Variants in ADGRB3 observed in about 807,000 individuals in gnomAD.
ADGRB3 encodes the protein brain-specific angiogenesis inhibitor 3.
A neutral mutation model predicts 193.4 loss-of-function variants in ADGRB3; 37 were observed. The ratio of observed to expected loss-of-function variants is 0.19; its 90% CI spans 0.15 to 0.25. The LOEUF (loss-of-function observed/expected upper bound fraction) is 0.25, where lower values mean the gene tolerates loss of function less well. Among genes scored for constraint, ADGRB3 ranks in the 10% least tolerant of loss-of-function variants. The pLI, the probability that ADGRB3 is intolerant of heterozygous loss-of-function variation, is 1.00. For synonymous variants in ADGRB3, 690 were observed against 644.2 expected, an observed-to-expected ratio of 1.07 and a Z score of -1.08; for missense variants, 1,637 against 1,852.9, an observed-to-expected ratio of 0.88 and a Z score of 2.14.
At chr6:68,755,350 C>T (rs887330922) in intron 3 of ADGRB3, among the ~76,000 whole-genome samples, 1 of 152,026 alleles carries the variant, frequency 6.6e-6, no homozygotes, top group Non-Finnish European at 1.5e-5. Flanking sequence ...GTCCAGTGTC[C>T]GGACAGTTTT....
chr6:68,952,431 A>G (rs182266824), intron 6 of ADGRB3, among the ~76,000 whole-genome samples: 9 of 152,196 alleles, frequency 5.9e-5, no homozygotes, highest in African/African-American at 2.2e-4. Flanking sequence ...TTATATATTC[A>G]TCTCCTACCT....
At chr6:69,332,228 A>T (rs1768747159) in intron 23 of ADGRB3, 12 of 985,158 alleles carry the variant, frequency 1.2e-5, no homozygotes, top group Non-Finnish European at 1.4e-5. Context: ...AATATGTGTG[A>T]TTTCATTTCA....
intron 17 of ADGRB3, among the ~76,000 whole-genome samples, chr6:69,106,174 A>AAAAAAAG (rs1425826297): frequency 6.7e-6 from 1 of 149,112 alleles, no homozygotes; most frequent in East Asian, 1.9e-4. Context: ...TAAAAAAAAA[A>AAAAAAAG]AAAAAAAAAG....
chr6:68,635,589 G>C lies in ADGRB3; in HGVS notation c.-599G>C, dbSNP rs1261344983. On this transcript the variant is annotated 5_prime_UTR_variant, in exon 1 of 32. Coordinates refer to ENST00000370598, the MANE Select transcript of ADGRB3 (RefSeq NM_001704.3). ...CCGCCGCCGGTCACTTCTCGTCTCA[G>C]CGCTTTCTTTGCTTCTTGGTTTGTT... The C allele has an allele frequency of 1.3e-5, 2 of 154,318 alleles. No individual in the cohort carries two copies. Among genetic ancestry groups the C allele is most frequent in the African/African-American group, 4.8e-5 (2 of 41,476 alleles). 9.6% of individuals were successfully genotyped at this position (154,318 alleles called of 1,614,324 possible).
At chr6:68,659,861 T>C (rs1768582792) in intron 3 of ADGRB3, among the ~76,000 whole-genome samples, 1 of 151,066 alleles carries the variant, frequency 6.6e-6, no homozygotes, top group Non-Finnish European at 1.5e-5. Context: ...ACACTGATCC[T>C]CCATGCACAC....
At chr6:69,281,979 T>C (rs112269437) in intron 20 of ADGRB3, among the ~76,000 whole-genome samples, 3,015 of 152,122 alleles carry the variant, frequency 0.02, 44 homozygotes, top group Non-Finnish European at 0.029. Flanking sequence ...ATCACTGGGG[T>C]ATCTCTCAAG....
intron 17 of ADGRB3, among the ~76,000 whole-genome samples, chr6:69,144,528 T>G (rs1026999549): frequency 1.3e-5 from 2 of 152,234 alleles, no homozygotes; most frequent in African/African-American, 4.8e-5. Flanking sequence ...CCATTCAGTA[T>G]GATCCTATCC....
At chr6:69,350,587 T>C (rs1769200889) in intron 26 of ADGRB3, among the ~76,000 whole-genome samples, 1 of 152,096 alleles carries the variant, frequency 6.6e-6, no homozygotes, top group African/African-American at 2.4e-5. Context: ...TCACAAGAAC[T>C]CAAAGATGCA....
chr6:69,367,675 C>G (rs887932613), intron 29 of ADGRB3, among the ~76,000 whole-genome samples: 2 of 151,914 alleles, frequency 1.3e-5, no homozygotes, highest in Non-Finnish European at 2.9e-5. Context: ...TGAGAAGTGT[C>G]TGTTCATGAC....
At chr6:69,078,754 C>T (rs553524770) in intron 17 of ADGRB3, among the ~76,000 whole-genome samples, 14 of 152,088 alleles carry the variant, frequency 9.2e-5, no homozygotes, top group Admixed American at 4.6e-4. Context: ...CCGTTTGATA[C>T]TTTCACAGCA....
intron 11 of ADGRB3, among the ~76,000 whole-genome samples, chr6:69,003,891 A>T (rs1162686302): frequency 6.6e-6 from 1 of 152,220 alleles, no homozygotes; most frequent in Non-Finnish European, 1.5e-5. Context: ...GAAGAGGAAG[A>T]GAGGTAAAGT....
intron 19 of ADGRB3, among the ~76,000 whole-genome samples, chr6:69,237,198 T>C (rs1237465699): frequency 2.6e-5 from 4 of 152,028 alleles, no homozygotes; most frequent in Non-Finnish European, 4.4e-5. Flanking sequence ...TTGTGTACTG[T>C]ATAATATTAC....
chr6:69,118,403 G>A (rs1305940742), intron 17 of ADGRB3, among the ~76,000 whole-genome samples: 1 of 151,966 alleles, frequency 6.6e-6, no homozygotes, highest in East Asian at 1.9e-4. Context: ...ATTCCTTTTA[G>A]AATCAAGAAG....
intron 3 of ADGRB3, among the ~76,000 whole-genome samples, chr6:68,754,341 A>C (rs73467850): frequency 6.6e-6 from 1 of 152,114 alleles, no homozygotes; most frequent in Non-Finnish European, 1.5e-5. Context: ...TCAGAGGGGC[A>C]GGGAGTTTCA....
At position 68,638,499 on chromosome 6, in the gene ADGRB3, G is replaced by T. The variant is rs1263710066; in HGVS notation, c.-15-162G>T. Among the ~76,000 whole-genome samples the T allele has an allele frequency of 3.3e-5, 5 of 152,098 alleles. 1 individual carries two copies. Among genetic ancestry groups the T allele is most frequent in the Middle Eastern group, 6.3e-3 (2 of 316 alleles). ...TGAGGGCGCTGTTCACACAGCAACA[G>T]ATAATTTTCCTGTGTTATAAAATAA... On this transcript the variant is annotated intron_variant, in intron 2 of 31. Transcript: ENST00000370598.
chr6:69,036,253 T>C lies in ADGRB3; in HGVS notation c.2108-11932T>C, dbSNP rs1474340831. ...ATGAATTGAATCTGTGTACAAGGAGTGAGTTAACTGCCTCCAACTTAATCC... is the reference window on the plus strand; with the variant it reads ...ATGAATTGAATCTGTGTACAAGGAGCGAGTTAACTGCCTCCAACTTAATCC... On this transcript the variant is annotated intron_variant, in intron 13 of 31. Transcript: ENST00000370598. Among the ~76,000 whole-genome samples the C allele has an allele frequency of 3.3e-5, 5 of 151,910 alleles. No homozygotes were observed. In the South Asian group the frequency reaches 8.3e-4, roughly 25 times the overall value.
At chr6:69,127,433 C>G (rs1773881942) in intron 17 of ADGRB3, among the ~76,000 whole-genome samples, 1 of 152,192 alleles carries the variant, frequency 6.6e-6, no homozygotes, top group South Asian at 2.1e-4. Flanking sequence ...TTTCTTTAAT[C>G]ACCAAGTGAG....
At position 69,112,834 on chromosome 6, in the gene ADGRB3, T is replaced by C. The variant is rs1367710012; in HGVS notation, c.2480+36796T>C. ...GTGCAGTGGCACAATCTTGGCTCACTGCAGCCTCCGCCTCCAAGGTTAAAG... is the reference window on the plus strand; with the variant it reads ...GTGCAGTGGCACAATCTTGGCTCACCGCAGCCTCCGCCTCCAAGGTTAAAG... On this transcript the variant is annotated intron_variant, in intron 17 of 31. Transcript: ENST00000370598. 2.0e-5 allele frequency among the ~76,000 whole-genome samples: 3 copies of C among 152,122 alleles called. No homozygotes were observed. The East Asian group carries it at 5.8e-4, about 29-fold the overall frequency.
chr6:69,040,358 T>C (rs201241727), intron 13 of ADGRB3, among the ~76,000 whole-genome samples: 6,836 of 65,466 alleles, frequency 0.1, 291 homozygotes, highest in South Asian at 0.14. Context: ...TCTTTCTTTC[T>C]TTCTTTCTTT....
Sources: gnomAD v4.1 joint callset for allele counts (sites outside exome capture counted in the v4.1 genomes callset) on GRCh38, gnomAD v4.1.1 for gene constraint, MANE v1.5 for transcripts, NCBI Gene and HGNC (gene_info 2026-07-23, HGNC 2026-07-21) for gene names.